Variants in DTNB observed in about 807,000 individuals in gnomAD.
DTNB encodes DTN-B.
A neutral mutation model predicts 90.7 loss-of-function variants in DTNB; 63 were observed. That is an observed-to-expected ratio of 0.69 (90% CI 0.57 to 0.86). The LOEUF is 0.86. Among genes scored for constraint, DTNB ranks in the 40% least tolerant of loss-of-function variants. The probability of loss-of-function intolerance (pLI) is 0.00; values close to 1 mark genes in which losing one functional copy is unlikely to be tolerated. For missense variants in DTNB, 744 were observed against 807.1 expected (o/e 0.92, Z 0.95); for synonymous variants, 277 against 286.7 (o/e 0.97, Z 0.34).
chr2:25,396,372 G>A (rs2042351128), intron 16 of DTNB, among the ~76,000 whole-genome samples: 1 of 152,114 alleles, frequency 6.6e-6, no homozygotes, highest in South Asian at 2.1e-4. Flanking sequence ...TTAGCCAGAT[G>A]TGGTGGTTCA....
chr2:25,572,087 A>C (rs1446740167), intron 8 of DTNB, among the ~76,000 whole-genome samples: 7 of 152,198 alleles, frequency 4.6e-5, no homozygotes, highest in Admixed American at 6.5e-5. Flanking sequence ...CAGTCGGTGC[A>C]TCCAGGATCT....
chr2:25,631,510 C>T (rs1057177740), intron 3 of DTNB, among the ~76,000 whole-genome samples: 8 of 150,912 alleles, frequency 5.3e-5, no homozygotes, highest in Non-Finnish European at 1.2e-4. Context: ...GAGTTGAAGG[C>T]TGCATTTAGC....
rs568361698 is a variant in DTNB at position 25,530,293 on chromosome 2, T to G, written c.1001+1180A>C. Among the ~76,000 whole-genome samples, 48 of 152,112 alleles carry G rather than the reference T, an allele frequency of 3.2e-4. 1 individual carries two copies. In the South Asian group the frequency reaches 9.6e-3, roughly 30 times the overall value. ...CTACTAAAAATTAAAAAAAATTAGC[T>G]GAGCATGGTGGCCTGCACCTATAGT... On this transcript the variant is annotated intron_variant, in intron 9 of 20. Transcript: ENST00000406818.
intron 11 of DTNB, among the ~76,000 whole-genome samples, chr2:25,454,293 T>A (rs1025590324): frequency 6.6e-6 from 1 of 152,226 alleles, no homozygotes; most frequent in Non-Finnish European, 1.5e-5. Flanking sequence ...CTTTTTCATA[T>A]GTATATTTCC....
At chr2:25,609,728 T>A (rs1308530455) in intron 4 of DTNB, among the ~76,000 whole-genome samples, 1 of 140,354 alleles carries the variant, frequency 7.1e-6, no homozygotes, top group Admixed American at 7.1e-5. Context: ...ATACCAAGGC[T>A]TAGGCCCAAC....
intron 16 of DTNB, chr2:25,399,614 G>C (rs1290407429): frequency 1.3e-5 from 2 of 152,194 alleles, no homozygotes. Context: ...AAAGTGCTGT[G>C]ATTACAGGAG....
chr2:25,380,070 G>C (rs1326994571), intron 19 of DTNB, among the ~76,000 whole-genome samples: 1 of 152,186 alleles, frequency 6.6e-6, no homozygotes, highest in Non-Finnish European at 1.5e-5. Context: ...AACAGGGAGA[G>C]GCGTGAGGCA....
intron 1 of DTNB, among the ~76,000 whole-genome samples, chr2:25,665,408 C>G (rs773238823): frequency 6.6e-5 from 10 of 152,018 alleles, no homozygotes; most frequent in Non-Finnish European, 1.5e-4. Flanking sequence ...GGGTGGATCA[C>G]GAGGTCAGGA....
At chr2:25,397,337 C>CA (rs749225408) in intron 16 of DTNB, among the ~76,000 whole-genome samples, 6,045 of 63,000 alleles carry the variant, frequency 0.096, 164 homozygotes, top group Middle Eastern at 0.12. Context: ...GACTCTGTCT[C>CA]AAAAAAAAAA....
intron 8 of DTNB, among the ~76,000 whole-genome samples, chr2:25,573,139 G>T (rs1451614216): frequency 1.3e-5 from 2 of 152,066 alleles, no homozygotes; most frequent in Non-Finnish European, 2.9e-5. Context: ...TAGAGACAGG[G>T]TTTTACCATG....
At chr2:25,486,309 C>G (rs2066120358) in intron 9 of DTNB, among the ~76,000 whole-genome samples, 1 of 151,336 alleles carries the variant, frequency 6.6e-6, no homozygotes, top group Non-Finnish European at 1.5e-5. Flanking sequence ...CAAAAAAATA[C>G]AAAGATTAGC....
In DTNB at chr2:25,388,321, C is replaced by G; in HGVS notation, c.1616G>C (p.Gly539Ala). Residue 539 changes from glycine to alanine, a missense_variant, in exon 17 of 21, where the codon GGA becomes GCA. By Grantham distance (60) the Gly-to-Ala change is moderately conservative (BLOSUM62 0). Transcript: ENST00000406818. ...TGSPHTSPTHGGGRPMPMPVR... is the reference protein window; with the variant it reads ...TGSPHTSPTHAGGRPMPMPVR... ...TGGCATGGGCATTGGCCGGCCGCCTCCATGGGTGGGCGATGTATGTGGTGA... is the reference window on the plus strand; with the variant it reads ...TGGCATGGGCATTGGCCGGCCGCCTGCATGGGTGGGCGATGTATGTGGTGA... 6.2e-7 allele frequency: 1 copy of G among 1,613,124 alleles called. No homozygotes were observed. Among genetic ancestry groups the G allele is most frequent in the Non-Finnish European group, 8.5e-7 (1 of 1,179,346 alleles).
At chr2:25,622,670 T>G (rs1017621112) in intron 4 of DTNB, among the ~76,000 whole-genome samples, 2 of 152,156 alleles carry the variant, frequency 1.3e-5, no homozygotes, top group African/African-American at 4.8e-5. Flanking sequence ...CTAGCCCACA[T>G]GTCCAAGTTC....
At chr2:25,491,323 C>T (rs1272802614) in intron 9 of DTNB, among the ~76,000 whole-genome samples, 1 of 152,132 alleles carries the variant, frequency 6.6e-6, no homozygotes, top group Admixed American at 6.5e-5. Flanking sequence ...ACCACCACTC[C>T]TCAAAAATGA....
intron 12 of DTNB, among the ~76,000 whole-genome samples, chr2:25,436,638 G>T (rs1416735129): frequency 6.8e-6 from 1 of 147,490 alleles, no homozygotes; most frequent in Non-Finnish European, 1.5e-5. Flanking sequence ...TTTTTTAAAA[G>T]AAAAAAAAAA....
At chr2:25,591,728 A>G (rs1300780011) in intron 6 of DTNB, among the ~76,000 whole-genome samples, 2 of 152,090 alleles carry the variant, frequency 1.3e-5, no homozygotes, top group Admixed American at 6.5e-5. Flanking sequence ...CTATTATTAA[A>G]ATTCTTAAAA....
intron 8 of DTNB, among the ~76,000 whole-genome samples, chr2:25,545,951 TGAAA>T (rs1408698758): frequency 2.6e-5 from 4 of 152,194 alleles, no homozygotes; most frequent in Admixed American, 1.3e-4. Context: ...TTGCGAACCC[TGAAA>T]GAGTCAATCC....
intron 3 of DTNB, among the ~76,000 whole-genome samples, chr2:25,638,019 C>T (rs960634533): frequency 2.6e-5 from 4 of 152,192 alleles, no homozygotes; most frequent in African/African-American, 9.7e-5. Context: ...CCATGGAATA[C>T]TATGCAGCCA....
At chr2:25,557,942 G>A (rs992446688) in intron 8 of DTNB, among the ~76,000 whole-genome samples, 3 of 152,184 alleles carry the variant, frequency 2.0e-5, no homozygotes, top group Admixed American at 6.5e-5. Context: ...GAATGTAGGA[G>A]TCTTAACCTA....
Sources: gnomAD v4.1 joint callset for allele counts (sites outside exome capture counted in the v4.1 genomes callset) on GRCh38, gnomAD v4.1.1 for gene constraint, MANE v1.5 for transcripts, NCBI Gene and HGNC (gene_info 2026-07-23, HGNC 2026-07-21) for gene names.